The following LRRC7 variants were observed in gnomAD, a reference collection of about 807,000 sequenced individuals.
LRRC7 encodes leucine rich repeat containing 7.
Under a neutral mutation model 175.7 loss-of-function variants are expected in LRRC7, and 23 were observed. The observed-to-expected ratio is 0.13, with a 90% CI of 0.09 to 0.19. LRRC7 has a LOEUF of 0.19. Among genes scored for constraint, LRRC7 ranks in the 10% least tolerant of loss-of-function variants. LRRC7 has a pLI of 1.00. For missense variants in LRRC7, 1,354 were observed against 1,904.7 expected, an observed-to-expected ratio of 0.71 and a Z score of 5.38; for synonymous variants, 685 against 680.9, an observed-to-expected ratio of 1.01 and a Z score of -0.09.
intron 25 of LRRC7, among the ~76,000 whole-genome samples, chr1:70,107,163 T>G (rs1006270851): frequency 6.6e-5 from 10 of 152,238 alleles, no homozygotes; most frequent in African/African-American, 2.4e-4. Flanking sequence ...ATTTAGGGAT[T>G]TTATAACCAC....
chr1:69,724,329 G>A (rs1046460629), intron 2 of LRRC7, among the ~76,000 whole-genome samples: 1 of 152,212 alleles, frequency 6.6e-6, no homozygotes, highest in South Asian at 2.1e-4. Context: ...GCGACAGAAC[G>A]AGACTCCATC....
intron 1 of LRRC7, among the ~76,000 whole-genome samples, chr1:69,586,813 C>T (rs1048559195): frequency 1.5e-4 from 23 of 152,154 alleles, no homozygotes; most frequent in Admixed American, 1.3e-3. Flanking sequence ...TAAAATACTA[C>T]CCTTTGTTGA....
intron 8 of LRRC7, among the ~76,000 whole-genome samples, chr1:69,933,769 G>A (rs1647640641): frequency 6.6e-6 from 1 of 152,132 alleles, no homozygotes; most frequent in South Asian, 2.1e-4. Flanking sequence ...GATGAAAAGG[G>A]TGGGTTTATT....
chr1:70,097,160 C>T (rs1400467423), intron 25 of LRRC7, among the ~76,000 whole-genome samples: 2 of 151,974 alleles, frequency 1.3e-5, no homozygotes, highest in Non-Finnish European at 2.9e-5. Flanking sequence ...TTTCATTCTG[C>T]TCTACACCAC....
At chr1:69,755,027 G>C (rs1287278697) in intron 2 of LRRC7, among the ~76,000 whole-genome samples, 1 of 151,924 alleles carries the variant, frequency 6.6e-6, no homozygotes, top group South Asian at 2.1e-4. Context: ...TCGAAAAACT[G>C]AAAGGGAAGA....
At chr1:69,747,248 A>T (rs894279023) in intron 2 of LRRC7, among the ~76,000 whole-genome samples, 2 of 152,176 alleles carry the variant, frequency 1.3e-5, no homozygotes, top group African/African-American at 4.8e-5. Context: ...TACGAAGTTA[A>T]TCCTTGAGTT....
At chr1:69,712,607 A>G (rs920246983) in intron 2 of LRRC7, among the ~76,000 whole-genome samples, 4 of 152,226 alleles carry the variant, frequency 2.6e-5, no homozygotes, top group Non-Finnish European at 4.4e-5. Context: ...TCCATCTCAC[A>G]AAACAAACAA....
chr1:69,665,481 G>A (rs1658132743), intron 1 of LRRC7, among the ~76,000 whole-genome samples: 1 of 151,922 alleles, frequency 6.6e-6, no homozygotes, highest in African/African-American at 2.4e-5. Flanking sequence ...ATTTTTGTGT[G>A]TCCTATTCAA....
chr1:69,704,773 C>A lies in LRRC7; in HGVS notation c.100+26295C>A, dbSNP rs189200713. Among the ~76,000 whole-genome samples the A allele has an allele frequency of 4.6e-3, 705 of 152,040 alleles. 2 individuals carry two copies. The highest frequency in any genetic ancestry group is 8.0e-3 in the Non-Finnish European group (542 of 67,898). On this transcript the variant is annotated intron_variant, in intron 2 of 26. Transcript: ENST00000651989. The stretch of plus-strand genomic sequence containing the variant: ...AGCCCAGATATAACAAGCAAAATAT[C>A]CCCAAGGACTAGAACCACTCTTGTA...
At chr1:70,076,336 T>G in intron 24 of LRRC7, 38 bp downstream of exon 24, 1 of 1,591,518 alleles carries the variant, frequency 6.3e-7, no homozygotes, top group Non-Finnish European at 8.6e-7. Flanking sequence ...AATCTTCAGG[T>G]AAGAAAAGTC....
chr1:70,078,826 A>ACG (rs781076575), intron 24 of LRRC7, among the ~76,000 whole-genome samples: 8,303 of 46,594 alleles, frequency 0.18, 287 homozygotes, highest in Non-Finnish European at 0.28. Context: ...ACACACACGC[A>ACG]CACACACACA....
chr1:69,919,390 GA>G, intron 7 of LRRC7: 1 of 639,682 alleles, frequency 1.6e-6, no homozygotes, highest in South Asian at 2.0e-5. Context: ...GCCTGGCTGG[GA>G]AAAGCGCATG....
chr1:70,107,892 GTTAAATGATTTGAA>G, intron 26 of LRRC7, 66 bp downstream of exon 26: 1 of 1,297,926 alleles, frequency 7.7e-7, no homozygotes, highest in Non-Finnish European at 1.1e-6. Flanking sequence ...ATGTTACCAA[GTTAAATGATTTGAA>G]TTAAATGATT....
At chr1:70,061,948 C>A (rs1346470396) in intron 23 of LRRC7, among the ~76,000 whole-genome samples, 5 of 152,090 alleles carry the variant, frequency 3.3e-5, no homozygotes, top group African/African-American at 1.2e-4. Context: ...GGCAGTCAAC[C>A]ACTGTCACAC....
At chr1:69,730,109 C>T (rs1375619868) in intron 2 of LRRC7, among the ~76,000 whole-genome samples, 1 of 152,206 alleles carries the variant, frequency 6.6e-6, no homozygotes, top group Admixed American at 6.5e-5. Flanking sequence ...TGAAGCTGCA[C>T]ACAGCAGGGG....
intron 2 of LRRC7, among the ~76,000 whole-genome samples, chr1:69,748,705 A>G (rs1669512538): frequency 6.6e-6 from 1 of 152,112 alleles, no homozygotes; most frequent in Non-Finnish European, 1.5e-5. Context: ...AGGAGATCTT[A>G]AGGTGTAAGA....
rs547219422 is a variant in LRRC7 at position 69,951,330 on chromosome 1, A to G, written c.711+19760A>G. Among the ~76,000 whole-genome samples, 11 of 152,208 alleles carry G rather than the reference A, an allele frequency of 7.2e-5. No homozygotes were observed. In the South Asian group the frequency reaches 1.7e-3, roughly 23 times the overall value. ...TGCAGAAAAAAGGGAACACTTATAC[A>G]CTGTTGGTGATACTGTAAATTAGTT... On this transcript the variant is annotated intron_variant, in intron 8 of 26. Coordinates refer to ENST00000651989, the MANE Select transcript of LRRC7 (RefSeq NM_001370785.2).
At chr1:70,079,129 A>C (rs375799842) in intron 24 of LRRC7, among the ~76,000 whole-genome samples, 105 of 152,342 alleles carry the variant, frequency 6.9e-4, no homozygotes, top group African/African-American at 2.5e-3. Context: ...GTGTTTTAAA[A>C]GAAGACTTTT....
chr1:69,603,996 G>A (rs1647198611), intron 1 of LRRC7, among the ~76,000 whole-genome samples: 1 of 152,040 alleles, frequency 6.6e-6, no homozygotes, highest in African/African-American at 2.4e-5. Flanking sequence ...TCAAATATAT[G>A]AATAGTGTAA....
Sources: gnomAD v4.1 joint callset for allele counts (sites outside exome capture counted in the v4.1 genomes callset) on GRCh38, gnomAD v4.1.1 for gene constraint, MANE v1.5 for transcripts, NCBI Gene and HGNC (gene_info 2026-07-23, HGNC 2026-07-21) for gene names.